Variants in RHBDD1 observed in about 807,000 individuals in gnomAD.
The protein encoded by RHBDD1 is rhomboid-related protein 4.
In RHBDD1, 38 loss-of-function variants were observed where a neutral mutation model predicts 36.3. The ratio of observed to expected loss-of-function variants is 1.05; its 90% CI spans 0.81 to 1.37. RHBDD1 has a LOEUF of 1.37. Ranked by LOEUF, RHBDD1 falls within the 40% of genes most tolerant of loss-of-function variation. RHBDD1 has a pLI of 0.00. For missense variants in RHBDD1, 393 were observed against 377.6 expected (o/e 1.04, Z -0.34); for synonymous variants, 151 against 136.5 (o/e 1.11, Z -0.74).
intron 8 of RHBDD1, among the ~76,000 whole-genome samples, chr2:226,981,119 A>G (rs534141095): frequency 6.6e-6 from 1 of 152,316 alleles, no homozygotes; most frequent in South Asian, 2.1e-4. Context: ...TCACAAGGAC[A>G]GAAAACCAAA....
chr2:226,991,986 A>G (rs1280830638), intron 8 of RHBDD1, among the ~76,000 whole-genome samples: 4 of 152,182 alleles, frequency 2.6e-5, no homozygotes, highest in East Asian at 1.9e-4. Context: ...GACACCTCCT[A>G]CCACCCCAAG....
chr2:226,930,471 C>G (rs1466551350), intron 8 of RHBDD1, among the ~76,000 whole-genome samples: 1 of 151,858 alleles, frequency 6.6e-6, no homozygotes, highest in African/African-American at 2.4e-5. Flanking sequence ...CTATCCCTAT[C>G]TCTCACCATA....
At chr2:226,916,782 G>A (rs1214926164) in intron 8 of RHBDD1, among the ~76,000 whole-genome samples, 1 of 152,174 alleles carries the variant, frequency 6.6e-6, no homozygotes, top group East Asian at 1.9e-4. Context: ...GGAAATGCAA[G>A]AAGACAAGCT....
chr2:226,856,594 A>C (rs1943348466), intron 3 of RHBDD1, among the ~76,000 whole-genome samples: 1 of 152,228 alleles, frequency 6.6e-6, no homozygotes, highest in Middle Eastern at 3.2e-3. Flanking sequence ...AATGAATAAG[A>C]TTCCTGAGAG....
chr2:226,887,012 C>T (rs1051363817), intron 5 of RHBDD1, among the ~76,000 whole-genome samples: 2 of 151,938 alleles, frequency 1.3e-5, no homozygotes, highest in African/African-American at 4.8e-5. Context: ...GTAGACAAGC[C>T]TGTGGCAGGT....
intron 5 of RHBDD1, among the ~76,000 whole-genome samples, chr2:226,899,021 C>T (rs1947365329): frequency 6.6e-6 from 1 of 152,332 alleles, no homozygotes; most frequent in Non-Finnish European, 1.5e-5. Flanking sequence ...CTTGAGAGGA[C>T]AACCTCTTCA....
intron 5 of RHBDD1, among the ~76,000 whole-genome samples, chr2:226,870,852 C>A (rs1944743381): frequency 6.6e-6 from 1 of 152,094 alleles, no homozygotes; most frequent in African/African-American, 2.4e-5. Context: ...TTATCCTCAT[C>A]ATCTTCACAT....
At chr2:226,892,929 A>G (rs1393478683) in intron 5 of RHBDD1, among the ~76,000 whole-genome samples, 7 of 152,210 alleles carry the variant, frequency 4.6e-5, no homozygotes, top group Non-Finnish European at 1.0e-4. Context: ...GTAAATTGTA[A>G]AACTTCTTTA....
intron 5 of RHBDD1, among the ~76,000 whole-genome samples, chr2:226,901,725 G>C (rs1049761377): frequency 6.6e-6 from 1 of 152,102 alleles, no homozygotes; most frequent in African/African-American, 2.4e-5. Context: ...GACTATATTT[G>C]CAAACCATAT....
At chr2:226,973,221 A>G (rs2149355329) in intron 8 of RHBDD1, among the ~76,000 whole-genome samples, 1 of 152,340 alleles carries the variant, frequency 6.6e-6, no homozygotes, top group South Asian at 2.1e-4. Context: ...AACTCATCCA[A>G]ACCATTTAAT....
intron 8 of RHBDD1, among the ~76,000 whole-genome samples, chr2:226,982,393 G>A (rs1343233226): frequency 3.9e-5 from 6 of 152,292 alleles, no homozygotes; most frequent in East Asian, 1.9e-4. Context: ...TTGTAATTAT[G>A]CATTGATATT....
chr2:226,869,145 T>TC, intron 5 of RHBDD1: 1 of 984,402 alleles, frequency 1.0e-6, no homozygotes, highest in South Asian at 4.7e-5. Context: ...TTTTTAGGGT[T>TC]CCCCCCAACT....
In RHBDD1 at chr2:226,906,882, G is replaced by C; in HGVS notation, c.655+1G>C. 2 of 1,614,022 alleles carry C rather than the reference G, an allele frequency of 1.2e-6. No individual in the cohort carries two copies. Among genetic ancestry groups the C allele is most frequent in the Non-Finnish European group, 1.7e-6 (2 of 1,179,912 alleles). ...AAGAAAATCATGGAAGCATGTGCAG[G>C]TACAGAATAAAACACCTTTGGCATG... On this transcript the variant is annotated splice_donor_variant, in intron 6 of 8. Transcript: ENST00000392062. LOFTEE classifies it high-confidence loss of function.
chr2:226,842,333 C>T (rs1399137055), intron 3 of RHBDD1, among the ~76,000 whole-genome samples: 1 of 152,074 alleles, frequency 6.6e-6, no homozygotes. Context: ...GTTGCAATTG[C>T]TTTTGGTGTT....
chr2:226,937,286 A>G (rs942509553), intron 8 of RHBDD1, among the ~76,000 whole-genome samples: 1 of 152,174 alleles, frequency 6.6e-6, no homozygotes, highest in African/African-American at 2.4e-5. Flanking sequence ...ACAAGTTTTT[A>G]TACTATGTAT....
At chr2:226,888,331 C>T (rs1946402120) in intron 5 of RHBDD1, among the ~76,000 whole-genome samples, 1 of 151,638 alleles carries the variant, frequency 6.6e-6, no homozygotes, top group South Asian at 2.1e-4. Flanking sequence ...GATAGTGTTA[C>T]AGAAATTAGA....
At chr2:226,817,746 C>T in the RHBDD1 span, among the ~76,000 whole-genome samples, 1 of 152,194 alleles carries the variant, frequency 6.6e-6, no homozygotes, top group Non-Finnish European at 1.5e-5. Context: ...GAGAGAAACT[C>T]CACTCATGTT....
At chr2:226,920,830 A>G (rs1198146476) in intron 8 of RHBDD1, among the ~76,000 whole-genome samples, 1 of 151,968 alleles carries the variant, frequency 6.6e-6, no homozygotes, top group African/African-American at 2.4e-5. Flanking sequence ...GTTTTCTTTG[A>G]TATCTTTGTC....
chr2:226,878,936 C>A (rs2125369961), intron 5 of RHBDD1, among the ~76,000 whole-genome samples: 1 of 152,176 alleles, frequency 6.6e-6, no homozygotes, highest in African/African-American at 2.4e-5. Context: ...CAGATCCATA[C>A]TGAGTTGCTG....
Sources: allele counts gnomAD v4.1 joint callset (sites outside exome capture counted in the v4.1 genomes callset), GRCh38; gene constraint gnomAD v4.1.1; transcripts MANE v1.5; gene names NCBI Gene and HGNC (gene_info 2026-07-23, HGNC 2026-07-21).